The following AZIN2 variants were observed in gnomAD, a reference collection of about 807,000 sequenced individuals.
The protein encoded by AZIN2 is antizyme inhibitor 2, also known as ODC antizyme inhibitor-2.
AZIN2 carries 28 observed loss-of-function variants against 47.8 expected under a neutral mutation model. The observed-to-expected ratio is 0.59, with a 90% CI of 0.43 to 0.80. The LOEUF (loss-of-function observed/expected upper bound fraction) is 0.80, where lower values mean the gene tolerates loss of function less well. Ranked by LOEUF, AZIN2 falls within the 30% of genes least tolerant of loss-of-function variation. AZIN2 has a pLI of 0.00. For missense variants in AZIN2, 535 were observed against 582.5 expected (o/e 0.92, Z 0.84); for synonymous variants, 221 against 239.4 (o/e 0.92, Z 0.71).
At chr1:33,096,204 G>A (rs1450201776) in intron 8 of AZIN2, among the ~76,000 whole-genome samples, 3 of 152,200 alleles carry the variant, frequency 2.0e-5, no homozygotes, top group Non-Finnish European at 4.4e-5. Context: ...TTAAGTGGAA[G>A]TGGATCATCA....
At chr1:33,141,266 C>T in the AZIN2 span, among the ~76,000 whole-genome samples, 1 of 152,022 alleles carries the variant, frequency 6.6e-6, no homozygotes, top group Non-Finnish European at 1.5e-5. Flanking sequence ...CCTCTGAGCA[C>T]CTCCCTCCTA....
chr1:33,156,350 C>T, the AZIN2 span, among the ~76,000 whole-genome samples: 8 of 152,236 alleles, frequency 5.3e-5, no homozygotes, highest in Non-Finnish European at 1.2e-4. Context: ...TACTGCTCCA[C>T]CCAACCAGCT....
chr1:33,130,790 G>A, the AZIN2 span, among the ~76,000 whole-genome samples: 2 of 152,244 alleles, frequency 1.3e-5, no homozygotes, highest in East Asian at 3.8e-4. Flanking sequence ...AGAGAAATTA[G>A]GAGAGGGTGG....
chr1:33,151,336 A>G, the AZIN2 span, among the ~76,000 whole-genome samples: 1 of 151,854 alleles, frequency 6.6e-6, no homozygotes, highest in Non-Finnish European at 1.5e-5. Context: ...GTGTGGCCTG[A>G]CTCTTAGGAG....
Position 33,093,299 on chromosome 1 carries a change from C to T in AZIN2, c.470C>T (p.Ala157Val). ...CTCATCAGGATGGTTCTGTGCATTG[C>T]TACCGATGACTCCCACTCCCTGAGC... is the stretch of plus-strand genomic sequence containing the variant. Reference protein sequence around the residue: ...HPSAKMVLCIATDDSHSLSCL... With the variant: ...HPSAKMVLCIVTDDSHSLSCL... The change falls in exon 7 of 12, where the codon GCT becomes GTT. Residue 157 changes from alanine (A) to valine (V), a missense_variant. Physicochemically the swap from Ala to Val is moderately conservative, Grantham distance 64. Transcript: ENST00000294517. 1 of 1,614,054 alleles carries T rather than the reference C, an allele frequency of 6.2e-7. No individual in the cohort carries two copies. The highest frequency in any genetic ancestry group is 8.5e-7 in the Non-Finnish European group (1 of 1,179,976).
At chr1:33,158,212 A>G in the AZIN2 span, 8 of 1,581,348 alleles carry the variant, frequency 5.1e-6, no homozygotes, top group South Asian at 5.5e-5. Context: ...GTGCTGGGAC[A>G]TGCCCCACCT....
intron 5 of AZIN2, among the ~76,000 whole-genome samples, chr1:33,085,890 C>T (rs1641835535): frequency 6.6e-6 from 1 of 152,180 alleles, no homozygotes; most frequent in Non-Finnish European, 1.5e-5. Context: ...CCAGGACGTC[C>T]TCGTTTCCCA....
At chr1:33,130,915 A>C in the AZIN2 span, among the ~76,000 whole-genome samples, 1 of 152,190 alleles carries the variant, frequency 6.6e-6, no homozygotes, top group African/African-American at 2.4e-5. Context: ...GACATTTGGC[A>C]ATGGAGTTGG....
rs1172604949 is a variant in AZIN2 at position 33,117,906 on chromosome 1, C to A, written c.1034C>A (p.Pro345Gln). 6.2e-7 allele frequency: 1 copy of A among 1,614,112 alleles called. No individual in the cohort carries two copies. Among genetic ancestry groups the A allele is most frequent in the Non-Finnish European group, 8.5e-7 (1 of 1,180,034 alleles). The stretch of plus-strand genomic sequence containing the variant: ...GGCCATCCCTTCTTCCTACAGAAAC[C>A]ATCCACGGAGCAGCCCCTGTACAGC... ...ICPTPILQKK[P>Q]STEQPLYSSS... The change falls in exon 11 of 12, where the codon CCA becomes CAA. Residue 345 changes from proline (P) to glutamine (Q), a missense_variant. Physicochemically the swap from Pro to Gln is moderately conservative, Grantham distance 76 (BLOSUM62 -1). Transcript: ENST00000294517.
the AZIN2 span, among the ~76,000 whole-genome samples, chr1:33,149,110 G>T: frequency 0.011 from 1,658 of 152,276 alleles, 25 homozygotes; most frequent in African/African-American, 0.037. Context: ...TCACCCAGCA[G>T]ATGTGCTCGT....
the AZIN2 span, among the ~76,000 whole-genome samples, chr1:33,135,433 A>T: frequency 6.6e-6 from 1 of 152,158 alleles, no homozygotes; most frequent in Non-Finnish European, 1.5e-5. Flanking sequence ...GTAAGAGACC[A>T]CCTGGCACGT....
At chr1:33,128,000 C>T (rs1161064043), downstream of AZIN2, among the ~76,000 whole-genome samples, 4 of 152,066 alleles carry the variant, frequency 2.6e-5, no homozygotes, top group East Asian at 7.7e-4. Flanking sequence ...TACTCTCTGC[C>T]ACAGTTTCTG....
At chr1:33,126,885 G>A (rs1192901427), downstream of AZIN2, among the ~76,000 whole-genome samples, 28 of 152,084 alleles carry the variant, frequency 1.8e-4, no homozygotes, top group Non-Finnish European at 4.4e-5. Flanking sequence ...AGCATTACTC[G>A]TCGTTTACCT....
the AZIN2 span, among the ~76,000 whole-genome samples, chr1:33,140,993 T>G: frequency 2.4e-3 from 367 of 152,294 alleles, 2 homozygotes; most frequent in African/African-American, 8.4e-3. This position sits in a 1 kb window ranked among gnomAD's most constrained non-coding sequence, Gnocchi z 4.0. Flanking sequence ...GAGACTTGGA[T>G]CTGGCCCTGA....
In AZIN2 at chr1:33,096,872, AG is replaced by A. The variant is rs766781945; in HGVS notation, c.916+5del. 6.2e-7 allele frequency: 1 copy of A among 1,614,098 alleles called. No individual in the cohort carries two copies. The highest frequency in any genetic ancestry group is 1.7e-5 in the Admixed American group (1 of 60,020). ...GCTAGACCAGCCTGGCAGGGAGGGT[AG>A]GTGCCAGGTGGGCAGTGGAGCCCTG... On this transcript the variant is annotated splice_donor_region_variant and intron_variant, in intron 9 of 11. Coordinates refer to ENST00000294517, the MANE Select transcript of AZIN2 (RefSeq NM_052998.4).
At chr1:33,144,126 A>G in the AZIN2 span, among the ~76,000 whole-genome samples, 4 of 104,134 alleles carry the variant, frequency 3.8e-5, no homozygotes, top group Admixed American at 2.4e-4. Context: ...TTCCGCTTTA[A>G]TGTTACTTCT....
At chr1:33,099,252 CT>C (rs759681913) in intron 10 of AZIN2, among the ~76,000 whole-genome samples, 28 of 152,094 alleles carry the variant, frequency 1.8e-4, no homozygotes, top group Non-Finnish European at 3.4e-4. Flanking sequence ...CCCCTTATCC[CT>C]GTGCTGGCCT....
chr1:33,093,328 C>G lies in AZIN2; in HGVS notation c.499C>G (p.Leu167Val). ...CGATGACTCCCACTCCCTGAGCTGC[C>G]TGAGCCTAAAGTTTGGAGTGTCACT... ...ATDDSHSLSCLSLKFGVSLKS... is the reference protein window; with the variant it reads ...ATDDSHSLSCVSLKFGVSLKS... Residue 167 changes from leucine to valine, a missense_variant, in exon 7 of 12, where the codon CTG (leucine) becomes GTG (valine). Physicochemically the swap from Leu to Val is conservative, Grantham distance 32. This residue lies in a region of AZIN2 where 409 missense variants were observed against 429.0 expected (regional missense o/e 0.95). Coordinates refer to ENST00000294517, the MANE Select transcript of AZIN2 (RefSeq NM_052998.4). 1 of 1,614,100 alleles carries G rather than the reference C, an allele frequency of 6.2e-7. No individual in the cohort carries two copies. Among genetic ancestry groups the G allele is most frequent in the Admixed American group, 1.7e-5 (1 of 60,012 alleles).
chr1:33,155,501 T>A, the AZIN2 span, among the ~76,000 whole-genome samples: 1 of 152,042 alleles, frequency 6.6e-6, no homozygotes, highest in Non-Finnish European at 1.5e-5. Flanking sequence ...TGAGCCTTGG[T>A]CTCCCCAGCC....
Sources: gnomAD v4.1 joint callset for allele counts (sites outside exome capture counted in the v4.1 genomes callset) on GRCh38, gnomAD v4.1.1 for gene constraint, gnomAD v4.1.1 regional missense constraint, Gnocchi (gnomAD v3.1) non-coding constraint, MANE v1.5 for transcripts, NCBI Gene and HGNC (gene_info 2026-07-23, HGNC 2026-07-21) for gene names.